The following NRN1 variants were observed in gnomAD, a reference collection of about 807,000 sequenced individuals.
NRN1 encodes neuritin.
Under a neutral mutation model 15.0 loss-of-function variants are expected in NRN1, and 4 were observed. The observed-to-expected ratio is 0.27, with a 90% CI of 0.13 to 0.61. NRN1 has a LOEUF of 0.61. Ranked by LOEUF, NRN1 falls within the 20% of genes least tolerant of loss-of-function variation. The probability of loss-of-function intolerance (pLI) is 0.87; values close to 1 mark genes in which losing one functional copy is unlikely to be tolerated. For missense variants in NRN1, 134 were observed against 181.9 expected (o/e 0.74, Z 1.51); for synonymous variants, 85 against 79.8 (o/e 1.07, Z -0.35).
rs929315716 is a variant in NRN1 at position 6,006,641 on chromosome 6, CG to C, written c.55+53del. On this transcript the variant is annotated intron_variant, in intron 1 of 2. Transcript: ENST00000244766. ...GCTAGTCCCCCTCCGCGCCTCGGGC[CG>C]GGGCAGGCTGCCTCCCGCCTCCAGC... is the stretch of plus-strand genomic sequence containing the variant. The C allele has an allele frequency of 3.5e-5, 55 of 1,576,690 alleles. No individual in the cohort carries two copies. In the African/African-American group the frequency reaches 5.9e-4, roughly 17 times the overall value.
At chr6:6,006,108 T>C (rs1237936623) in intron 1 of NRN1, among the ~76,000 whole-genome samples, 1 of 152,154 alleles carries the variant, frequency 6.6e-6, no homozygotes, top group Non-Finnish European at 1.5e-5. Context: ...GTAAGCATGT[T>C]AAAATATGTG....
At chr6:6,003,688 T>C (rs1758029462) in intron 1 of NRN1, 1 of 1,233,836 alleles carries the variant, frequency 8.1e-7, no homozygotes, top group Non-Finnish European at 1.0e-6. Context: ...GGCGCGGGAC[T>C]GGAAGGACAG....
intron 1 of NRN1, among the ~76,000 whole-genome samples, chr6:6,005,370 T>G (rs922675495): frequency 7.9e-5 from 12 of 152,216 alleles, no homozygotes; most frequent in African/African-American, 2.9e-4. Flanking sequence ...ACAACCAGAT[T>G]TAAAGCATTG....
At chr6:6,003,302 G>T in intron 1 of NRN1, 1 of 1,213,468 alleles carries the variant, frequency 8.2e-7, no homozygotes, top group Non-Finnish European at 1.0e-6. Context: ...GAGGCCGGGC[G>T]GGGTCACGGA....
At chr6:6,003,340 G>T in intron 1 of NRN1, 1 of 948,900 alleles carries the variant, frequency 1.1e-6, no homozygotes, top group Non-Finnish European at 1.4e-6. Flanking sequence ...CCTCCGCAAA[G>T]GCCAAATCCA....
At chr6:6,004,397 A>C (rs535615418) in intron 1 of NRN1, among the ~76,000 whole-genome samples, 1 of 152,238 alleles carries the variant, frequency 6.6e-6, no homozygotes, top group South Asian at 2.1e-4. Flanking sequence ...AATAAAGTCC[A>C]ATCTCCCCGT....
chr6:6,005,956 C>G (rs72811082), intron 1 of NRN1, among the ~76,000 whole-genome samples: 5,063 of 152,308 alleles, frequency 0.033, 141 homozygotes, highest in Non-Finnish European at 0.049. Context: ...ACAAAAATAA[C>G]AAACACCCGA....
intron 1 of NRN1, among the ~76,000 whole-genome samples, chr6:6,005,345 T>C (rs6900589): frequency 1.1e-3 from 166 of 152,356 alleles, no homozygotes; most frequent in African/African-American, 3.6e-3. Context: ...TTTTCACTAA[T>C]GTCAAAGATT....
At position 5,998,964 on chromosome 6, in the gene NRN1, C is replaced by A; in HGVS notation, c.*12G>T. 2 of 1,594,574 alleles carry A rather than the reference C, an allele frequency of 1.3e-6. No homozygotes were observed. The highest frequency in any genetic ancestry group is 1.7e-6 in the Non-Finnish European group (2 of 1,167,524). ...AGTGTGGGTGGGCGCGCGGGGGGAGCTGGCCCCACGCTCAGAAGGAAAGCC... is the reference window on the plus strand; with the variant it reads ...AGTGTGGGTGGGCGCGCGGGGGGAGATGGCCCCACGCTCAGAAGGAAAGCC... On this transcript the variant is annotated 3_prime_UTR_variant, in exon 3 of 3. Transcript: ENST00000244766.
Position 6,002,494 on chromosome 6 carries a change from T to C in NRN1, c.59A>G (p.Tyr20Cys). The C allele has an allele frequency of 6.2e-7, 1 of 1,613,472 alleles. No individual in the cohort carries two copies. The highest frequency in any genetic ancestry group is 8.5e-7 in the Non-Finnish European group (1 of 1,179,690). Residue 20 changes from tyrosine to cysteine, a missense_variant, in exon 2 of 3, where the codon TAT becomes TGT. Transcript: ENST00000244766. ...CGCTGCTCTCACGGCCTGCACCAGATACGCTGCGGGGAGGAGGGAACACCG... is the reference window on the plus strand; with the variant it reads ...CGCTGCTCTCACGGCCTGCACCAGACACGCTGCGGGGAGGAGGGAACACCG... ...ISLILAVQIAYLVQAVRAAGK... is the reference protein window; with the variant it reads ...ISLILAVQIACLVQAVRAAGK...
chr6:6,002,240 G>A, intron 2 of NRN1, 113 bp downstream of exon 2: 1 of 1,365,392 alleles, frequency 7.3e-7, no homozygotes, highest in Non-Finnish European at 1.0e-6. Flanking sequence ...AGAGTGAGCC[G>A]ATGCGGATTC....
At chr6:6,001,116 T>G (rs142332157) in intron 2 of NRN1, among the ~76,000 whole-genome samples, 1 of 152,374 alleles carries the variant, frequency 6.6e-6, no homozygotes, top group African/African-American at 2.4e-5. Flanking sequence ...ACTAGCCATT[T>G]AGCTGCTATG....
chr6:6,002,591 A>C, intron 1 of NRN1, 94 bp from the exon 2 acceptor site: 1 of 1,507,100 alleles, frequency 6.6e-7, no homozygotes, highest in Non-Finnish European at 8.9e-7. Context: ...GCGCGGCCTC[A>C]TCGCATCGGG....
intron 1 of NRN1, among the ~76,000 whole-genome samples, chr6:6,005,526 C>T (rs1298031770): frequency 6.6e-6 from 1 of 152,192 alleles, no homozygotes; most frequent in Admixed American, 6.5e-5. Context: ...GTCTAGAGAA[C>T]TCCAAACCTT....
intron 2 of NRN1, among the ~76,000 whole-genome samples, chr6:6,000,504 G>A (rs1326454528): frequency 6.6e-6 from 1 of 152,120 alleles, no homozygotes; most frequent in Non-Finnish European, 1.5e-5. Flanking sequence ...TGGTTTGGTT[G>A]TATTTTCTCC....
At position 5,999,085 on chromosome 6, in the gene NRN1, A is replaced by G; in HGVS notation, c.320T>C (p.Leu107Ser). 1 of 1,614,142 alleles carries G rather than the reference A, an allele frequency of 6.2e-7. No individual in the cohort carries two copies. The highest frequency in any genetic ancestry group is 8.5e-7 in the Non-Finnish European group (1 of 1,180,010). Residue 107 changes from leucine to serine, a missense_variant, in exon 3 of 3, where the codon TTA (leucine) becomes TCA (serine). Leu to Ser is a moderately radical substitution (Grantham distance 145, BLOSUM62 -2). Transcript: ENST00000244766. Reference sequence around the variant, plus strand: ...GTTGCCGCTGCCGCAGAGTTCGAATAAGCTGCCTTGGATGTTGAGGTTTTT... The same window carrying G: ...GTTGCCGCTGCCGCAGAGTTCGAATGAGCTGCCTTGGATGTTGAGGTTTTT... Reference protein sequence around the residue: ...ESKNLNIQGSLFELCGSGNGA... With the variant: ...ESKNLNIQGSSFELCGSGNGA...
At chr6:6,006,449 A>G (rs910464929) in intron 1 of NRN1, among the ~76,000 whole-genome samples, 7 of 152,172 alleles carry the variant, frequency 4.6e-5, no homozygotes, top group African/African-American at 9.7e-5. Context: ...AAAAAGGGGG[A>G]AAAAAACCGT....
Position 5,998,269 on chromosome 6 carries a change from T to C in NRN1, c.*707A>G, listed in dbSNP as rs1253097872. On this transcript the variant is annotated 3_prime_UTR_variant, in exon 3 of 3. Transcript: ENST00000244766. ...AGGAGGGAAAATAAAGGCAGTGAAC[T>C]TGGACGGATGCATCAACAACAGCAG... 6.6e-6 allele frequency: 1 copy of C among 152,240 alleles called. No homozygotes were observed. Among genetic ancestry groups the C allele is most frequent in the Non-Finnish European group, 1.5e-5 (1 of 68,112 alleles). 9.4% of individuals were successfully genotyped at this position (152,240 alleles called of 1,614,324 possible).
At position 5,998,661 on chromosome 6, in the gene NRN1, CA is replaced by C. The variant is rs199548533; in HGVS notation, c.*314del. ...GCCGTTCCTGAGATTCTTTTGCCAA[CA>C]AAAAAAATTAATAATAATAAAATTA... On this transcript the variant is annotated 3_prime_UTR_variant, in exon 3 of 3. Transcript: ENST00000244766. The C allele has an allele frequency of 1.9e-4, 39 of 206,806 alleles. No homozygotes were observed. The highest frequency in any genetic ancestry group is 4.4e-4 in the East Asian group (4 of 9,166). The allele number at this position is 206,806 out of a possible 1,614,324, so 12.8% of individuals were successfully genotyped here.
Sources: allele counts gnomAD v4.1 joint callset (sites outside exome capture counted in the v4.1 genomes callset), GRCh38; gene constraint gnomAD v4.1.1; transcripts MANE v1.5; gene names NCBI Gene and HGNC (gene_info 2026-07-23, HGNC 2026-07-21).